Variants in PCDHGA5 observed in about 807,000 individuals in gnomAD.
PCDHGA5 encodes protocadherin gamma subfamily A, 5.
PCDHGA5 carries 36 observed loss-of-function variants against 56.7 expected under a neutral mutation model. The observed-to-expected ratio is 0.64, with a 90% CI of 0.49 to 0.84. The LOEUF is 0.84. Ranked by LOEUF, PCDHGA5 falls within the 40% of genes least tolerant of loss-of-function variation. PCDHGA5 has a pLI of 0.00. For missense variants in PCDHGA5, 1,305 were observed against 1,201.5 expected, an observed-to-expected ratio of 1.09 and a Z score of -1.27; for synonymous variants, 563 against 520.2, an observed-to-expected ratio of 1.08 and a Z score of -1.12.
rs1012790217 is a variant in PCDHGA5 at position 141,432,087 on chromosome 5, C to T, written c.2422-62720C>T. On this transcript the variant is annotated intron_variant, in intron 1 of 3. Coordinates refer to ENST00000518069, the MANE Select transcript of PCDHGA5 (RefSeq NM_018918.3). This position sits in a 1 kb window ranked among gnomAD's most constrained non-coding sequence, Gnocchi z 6.0. ...GAAACTCATATCTCGCTGAACGTGG[C>T]AGACACCAACGACAACCCGCCGGTC... is the stretch of plus-strand genomic sequence containing the variant. The T allele has an allele frequency of 2.5e-6, 4 of 1,614,060 alleles. No homozygotes were observed. The African/African-American group carries it at 4.0e-5, about 16-fold the overall frequency.
intron 1 of PCDHGA5, chr5:141,383,457 C>T (rs1270613288): frequency 2.5e-6 from 4 of 1,613,734 alleles, no homozygotes; most frequent in Non-Finnish European, 3.4e-6. Flanking sequence ...AAAGTGGAGA[C>T]GATGAAACTA....
chr5:141,406,186 C>T (rs1263856724), intron 1 of PCDHGA5, among the ~76,000 whole-genome samples: 2 of 151,978 alleles, frequency 1.3e-5, no homozygotes, highest in South Asian at 2.1e-4. Context: ...AATCCTCCCA[C>T]CTCAGCCTTC....
chr5:141,423,940 G>A (rs937456850), intron 1 of PCDHGA5: 1 of 1,217,098 alleles, frequency 8.2e-7, no homozygotes, highest in Non-Finnish European at 1.0e-6. Flanking sequence ...TTTGAAGTAA[G>A]TTGAATTTTA....
chr5:141,397,087 A>G (rs1386683594), intron 1 of PCDHGA5, among the ~76,000 whole-genome samples: 3 of 152,240 alleles, frequency 2.0e-5, no homozygotes, highest in African/African-American at 7.2e-5. Context: ...AAGTCATTTC[A>G]GATAGGATAA....
chr5:141,418,111 A>G (rs763834283), intron 1 of PCDHGA5: 19 of 1,613,940 alleles, frequency 1.2e-5, no homozygotes, highest in Non-Finnish European at 1.5e-5. Context: ...GCGGGGACTT[A>G]CTTGTGAAGG....
intron 1 of PCDHGA5, chr5:141,410,849 C>CTTTTGTTTTTTTTTTTTTTTTTT (rs2095432564): frequency 7.7e-6 from 1 of 129,786 alleles, no homozygotes; most frequent in Non-Finnish European, 1.3e-5. Flanking sequence ...TTGTCTTTGT[C>CTTTTGTTTTTTTTTTTTTTTTTT]TTTTTTTTTT....
chr5:141,509,081 A>T (rs1279221589), intron 3 of PCDHGA5, among the ~76,000 whole-genome samples: 1 of 152,160 alleles, frequency 6.6e-6, no homozygotes, highest in Non-Finnish European at 1.5e-5. Context: ...GATTTGCGAC[A>T]TGAAATGGGG....
intron 1 of PCDHGA5, chr5:141,390,163 C>A: frequency 1.2e-6 from 2 of 1,613,992 alleles, no homozygotes; most frequent in South Asian, 1.1e-5. Flanking sequence ...ACAGGAAAGA[C>A]GGAGTTTAAT....
At chr5:141,494,644 G>A in intron 1 of PCDHGA5, 163 bp from the exon 2 acceptor site, 1 of 933,684 alleles carries the variant, frequency 1.1e-6, no homozygotes. Flanking sequence ...TGAGACCTGA[G>A]GTGTATTTTG....
intron 1 of PCDHGA5, chr5:141,384,592 C>T (rs1780248278): frequency 6.2e-7 from 1 of 1,614,120 alleles, no homozygotes; most frequent in African/African-American, 1.3e-5. Flanking sequence ...GATCCTGTAC[C>T]CGGCCCTCCC....
In PCDHGA5 at chr5:141,460,961, A is replaced by ATATGTGTGTG. The variant is rs1463306338; in HGVS notation, c.2422-33845_2422-33844insATGTGTGTGT. On this transcript the variant is annotated intron_variant, in intron 1 of 3. Coordinates refer to ENST00000518069, the MANE Select transcript of PCDHGA5 (RefSeq NM_018918.3). ...ATATATATGTATTATGTATATATAT[A>ATATGTGTGTG]TGTGTGTGTGTGTGTGTGTGTGTAT... Among the ~76,000 whole-genome samples the ATATGTGTGTG allele has an allele frequency of 1.3e-3, 194 of 144,616 alleles. 1 individual carries two copies. The highest frequency in any genetic ancestry group is 4.7e-3 in the African/African-American group (182 of 38,716). 94.9% of individuals were successfully genotyped at this position (144,616 alleles called of 152,430 possible). A position where few individuals can be genotyped will look rare whatever the true frequency, so the allele number is the denominator to read the frequency against.
intron 1 of PCDHGA5, chr5:141,395,576 G>A: frequency 4.2e-6 from 1 of 237,360 alleles, no homozygotes; most frequent in Non-Finnish European, 8.1e-6. Flanking sequence ...GTGTGTGTGT[G>A]TGTGTGTGTG....
chr5:141,477,315 C>G lies in PCDHGA5; in HGVS notation c.2422-17492C>G. 2 of 1,614,188 alleles carry G rather than the reference C, an allele frequency of 1.2e-6. No individual in the cohort carries two copies. Among genetic ancestry groups the G allele is most frequent in the African/African-American group, 2.7e-5 (2 of 75,042 alleles). On this transcript the variant is annotated intron_variant, in intron 1 of 3. Coordinates refer to ENST00000518069, the MANE Select transcript of PCDHGA5 (RefSeq NM_018918.3). The surrounding 1 kb of genome is among the most constrained non-coding windows in gnomAD (Gnocchi z 4.9). ...CCACCGGGTCTCCCTTTCAGCCTTA[C>G]TTCTTCCCTCAAGAATTACTTCACT...
chr5:141,414,498 C>CT (rs748856262), intron 1 of PCDHGA5: 40 of 1,613,848 alleles, frequency 2.5e-5, no homozygotes, highest in Non-Finnish European at 3.3e-5. Context: ...CGGAAGCTCA[C>CT]TTTATGCTAC....
chr5:141,415,194 C>T (rs1252476580), intron 1 of PCDHGA5: 2 of 1,614,064 alleles, frequency 1.2e-6, no homozygotes, highest in Non-Finnish European at 1.7e-6. Context: ...ACAGCATCCC[C>T]CAAGTCCTGG....
At chr5:141,407,703 G>T (rs1016806853) in intron 1 of PCDHGA5, among the ~76,000 whole-genome samples, 1 of 152,096 alleles carries the variant, frequency 6.6e-6, no homozygotes, top group Admixed American at 6.6e-5. Context: ...ATTGTTGAAG[G>T]TGGGGTGATG....
chr5:141,506,459 A>G (rs1159808052), intron 3 of PCDHGA5, among the ~76,000 whole-genome samples: 4 of 151,918 alleles, frequency 2.6e-5, no homozygotes, highest in Non-Finnish European at 4.4e-5. Context: ...AAAAAAAAAA[A>G]AAAAAAGAGC....
At chr5:141,399,959 G>A (rs1257286209) in intron 1 of PCDHGA5, 4 of 1,612,230 alleles carry the variant, frequency 2.5e-6, no homozygotes, top group South Asian at 1.1e-5. Flanking sequence ...AGCGAGCCCG[G>A]GCTCTTCAGC....
chr5:141,439,470 T>C (rs1357441747), intron 1 of PCDHGA5, among the ~76,000 whole-genome samples: 1 of 152,220 alleles, frequency 6.6e-6, no homozygotes, highest in African/African-American at 2.4e-5. Flanking sequence ...CTGCTGCCTT[T>C]CAGCTTGCAA....
Sources: allele counts gnomAD v4.1 joint callset (sites outside exome capture counted in the v4.1 genomes callset), GRCh38; gene constraint gnomAD v4.1.1; non-coding constraint Gnocchi (gnomAD v3.1); transcripts MANE v1.5; gene names NCBI Gene and HGNC (gene_info 2026-07-23, HGNC 2026-07-21).